Variants in ERI1 observed in about 807,000 individuals in gnomAD.
The protein encoded by ERI1 is exoribonuclease 1, also known as 3'-5' exoribonuclease 1.
ERI1 carries 39 observed loss-of-function variants against 39.7 expected under a neutral mutation model. That is an observed-to-expected ratio of 0.98 (90% CI 0.76 to 1.28). ERI1 has a LOEUF of 1.28. Ranked by LOEUF, ERI1 falls within the 50% of genes most tolerant of loss-of-function variation. The pLI, the probability that ERI1 is intolerant of heterozygous loss-of-function variation, is 0.00. For synonymous variants in ERI1, 204 were observed against 149.6 expected, an observed-to-expected ratio of 1.36 and a Z score of -2.65; for missense variants, 581 against 416.9, an observed-to-expected ratio of 1.39 and a Z score of -3.43.
At position 9,006,692 on chromosome 8, in the gene ERI1, CATT is replaced by C. The variant is rs112893570; in HGVS notation, c.109-1277_109-1275del. Among the ~76,000 whole-genome samples the C allele has an allele frequency of 7.4e-3, 1,117 of 151,894 alleles. 14 individuals are homozygous for C. The highest frequency in any genetic ancestry group is 0.026 in the African/African-American group (1,074 of 41,448). On this transcript the variant is annotated intron_variant, in intron 1 of 6. Coordinates refer to ENST00000250263, the MANE Select transcript of ERI1 (RefSeq NM_153332.4). ...CTAGCAATACTTTTTTTTTCCTTAA[CATT>C]GTTAACAAGGAACCTCAGTGTGGCT...
intron 3 of ERI1, chr8:9,099,813 A>C (rs898700753): frequency 6.6e-6 from 1 of 152,136 alleles, no homozygotes; most frequent in African/African-American, 2.4e-5. Flanking sequence ...AGTCTTTGCT[A>C]ACGGTATTGG....
intron 3 of ERI1, among the ~76,000 whole-genome samples, chr8:9,090,596 C>T (rs1365520713): frequency 6.6e-6 from 1 of 152,144 alleles, no homozygotes; most frequent in Non-Finnish European, 1.5e-5. Flanking sequence ...GTTACACATG[C>T]ACACGGTTAA....
intron 4 of ERI1, among the ~76,000 whole-genome samples, chr8:9,017,836 A>T (rs774709249): frequency 6.6e-6 from 1 of 152,176 alleles, no homozygotes; most frequent in Non-Finnish European, 1.5e-5. Context: ...TGGTTGGAGG[A>T]TTTAAGTATG....
intron 1 of ERI1, among the ~76,000 whole-genome samples, chr8:9,004,684 C>CTT (rs1279162284): frequency 2.4e-5 from 3 of 126,776 alleles, no homozygotes; most frequent in Non-Finnish European, 3.4e-5. Context: ...AGTAATGATA[C>CTT]TTTTTTTTTT....
At chr8:9,071,639 G>A (rs560859851) in intron 3 of ERI1, among the ~76,000 whole-genome samples, 2 of 152,334 alleles carry the variant, frequency 1.3e-5, no homozygotes, top group Admixed American at 6.5e-5. Context: ...ACAGGGAAAC[G>A]GGAGAAGTCC....
At chr8:9,087,151 T>C (rs1235407642) in intron 3 of ERI1, among the ~76,000 whole-genome samples, 1 of 152,068 alleles carries the variant, frequency 6.6e-6, no homozygotes, top group East Asian at 1.9e-4. Context: ...TCATCTAGGT[T>C]TTAAGCCCCA....
chr8:9,092,642 A>T (rs952313496), intron 3 of ERI1, among the ~76,000 whole-genome samples: 2 of 152,188 alleles, frequency 1.3e-5, no homozygotes, highest in Admixed American at 1.3e-4. Flanking sequence ...GAGCGCTGAG[A>T]GCAGGAAGGA....
In ERI1 at chr8:9,079,862, G is replaced by A. The variant is rs113974754; in HGVS notation, n.300-36486G>A. ...ATTTTTGTATTTTTTGTAGACACGA[G>A]GTTTTGCCATGTTGCCCAGGCTGGT... On this transcript the variant is annotated intron_variant and non_coding_transcript_variant, in intron 3 of 3. Coordinates refer to the ERI1 transcript ENST00000518663. Among the ~76,000 whole-genome samples, 302 of 152,124 alleles carry A rather than the reference G, an allele frequency of 2.0e-3. 1 individual carries two copies. Among genetic ancestry groups the A allele is most frequent in the African/African-American group, 6.5e-3 (269 of 41,510 alleles).
At chr8:9,046,173 G>C (rs887057880) in intron 3 of ERI1, among the ~76,000 whole-genome samples, 1 of 152,228 alleles carries the variant, frequency 6.6e-6, no homozygotes, top group Non-Finnish European at 1.5e-5. Flanking sequence ...CATCGCCATT[G>C]GTCTTGCTGA....
chr8:9,005,658 G>GCGCCCCCCCCCCC (rs1815926099), intron 1 of ERI1, among the ~76,000 whole-genome samples: 1 of 150,910 alleles, frequency 6.6e-6, no homozygotes, highest in African/African-American at 2.5e-5. Flanking sequence ...GGGACTACAG[G>GCGCCCCCCCCCCC]CGCCCGCCCG....
chr8:9,029,986 AC>A lies in ERI1; in HGVS notation c.1004del (p.Pro335GlnfsTer2). On this transcript the variant is annotated frameshift_variant, in exon 7 of 7. Coordinates refer to ENST00000250263, the MANE Select transcript of ERI1 (RefSeq NM_153332.4). LOFTEE classifies it high-confidence loss of function. ...GQLMSVSSSL[P>X]IEGTPPPQMP... ...AGCTAATGAGTGTGTCCTCTTCCTT[AC>A]CAATAGAGGGCACTCCACCACCACA... is the stretch of plus-strand genomic sequence containing the variant. 1 of 1,613,892 alleles carries A rather than the reference AC, an allele frequency of 6.2e-7. No homozygotes were observed. The highest frequency in any genetic ancestry group is 8.5e-7 in the Non-Finnish European group (1 of 1,179,964).
At chr8:9,013,872 T>A (rs564644843) in intron 3 of ERI1, among the ~76,000 whole-genome samples, 1 of 152,120 alleles carries the variant, frequency 6.6e-6, no homozygotes, top group Non-Finnish European at 1.5e-5. Context: ...TCAAAATATA[T>A]CCAGAACCCA....
intron 3 of ERI1, among the ~76,000 whole-genome samples, chr8:9,076,295 T>C (rs1327913898): frequency 6.6e-6 from 1 of 152,168 alleles, no homozygotes; most frequent in East Asian, 1.9e-4. Context: ...GTATACACAG[T>C]TTTGTCCCCT....
intron 3 of ERI1, among the ~76,000 whole-genome samples, chr8:9,059,785 A>G (rs1247204667): frequency 6.6e-6 from 1 of 152,294 alleles, no homozygotes; most frequent in East Asian, 1.9e-4. Context: ...TTGGAGAAAC[A>G]GTGTGAACCG....
At position 9,020,564 on chromosome 8, in the gene ERI1, A is replaced by G. The variant is rs1030185967; in HGVS notation, c.807+100A>G. Reference sequence around the variant, plus strand: ...TAATTTTCCAGGTGTTTTTCATGGAAAAAAGCCATATAATTAGTTCTTACT... The same window carrying G: ...TAATTTTCCAGGTGTTTTTCATGGAGAAAAGCCATATAATTAGTTCTTACT... On this transcript the variant is annotated intron_variant, in intron 6 of 6. Transcript: ENST00000250263. The G allele has an allele frequency of 7.0e-6, 5 of 713,240 alleles. No homozygotes were observed. The Admixed American group carries it at 1.6e-4, about 23-fold the overall frequency. 44.2% of individuals were successfully genotyped at this position (713,240 alleles called of 1,614,324 possible).
At chr8:9,011,155 G>T (rs1232211585) in intron 2 of ERI1, among the ~76,000 whole-genome samples, 3 of 152,024 alleles carry the variant, frequency 2.0e-5, no homozygotes, top group Non-Finnish European at 4.4e-5. Context: ...TTATATTTTG[G>T]CCAGTGGAAT....
intron 3 of ERI1, among the ~76,000 whole-genome samples, chr8:9,093,294 G>A (rs1799767106): frequency 6.6e-6 from 1 of 152,164 alleles, no homozygotes; most frequent in South Asian, 2.1e-4. Context: ...TTATGAATCT[G>A]TGTTGGGCCA....
At chr8:9,019,927 G>C (rs1474757206) in intron 5 of ERI1, among the ~76,000 whole-genome samples, 3 of 152,148 alleles carry the variant, frequency 2.0e-5, no homozygotes, top group Non-Finnish European at 4.4e-5. Flanking sequence ...ATAGAAAAAT[G>C]TTGTAGCAGA....
At chr8:9,063,423 CTG>C (rs1314514602) in intron 3 of ERI1, among the ~76,000 whole-genome samples, 1 of 152,048 alleles carries the variant, frequency 6.6e-6, no homozygotes, top group Non-Finnish European at 1.5e-5. Flanking sequence ...TGGAATGAAA[CTG>C]TAAGCCAGAC....
Sources: allele counts gnomAD v4.1 joint callset (sites outside exome capture counted in the v4.1 genomes callset), GRCh38; gene constraint gnomAD v4.1.1; transcripts MANE v1.5; gene names NCBI Gene and HGNC (gene_info 2026-07-23, HGNC 2026-07-21).